The following EPHA6 variants were observed in gnomAD, a reference collection of about 807,000 sequenced individuals.
EPHA6 encodes the protein EPH receptor A6, also known as ephrin type-A receptor 6.
A neutral mutation model predicts 112.0 loss-of-function variants in EPHA6; 50 were observed. That is an observed-to-expected ratio of 0.45 (90% CI 0.36 to 0.56). EPHA6 has a LOEUF of 0.56. Ranked by LOEUF, EPHA6 falls within the 20% of genes least tolerant of loss-of-function variation. The pLI is 0.00. For synonymous variants in EPHA6, 529 were observed against 490.7 expected, an observed-to-expected ratio of 1.08 and a Z score of -1.03; for missense variants, 1,280 against 1,417.4, an observed-to-expected ratio of 0.90 and a Z score of 1.56.
intron 3 of EPHA6, among the ~76,000 whole-genome samples, chr3:97,061,352 G>A (rs2046015530): frequency 6.6e-6 from 1 of 152,186 alleles, no homozygotes; most frequent in African/African-American, 2.4e-5. Context: ...GAACTGGAGA[G>A]CCAGGTGAAG....
chr3:97,397,090 G>T (rs1359530307), intron 5 of EPHA6, among the ~76,000 whole-genome samples: 1 of 151,612 alleles, frequency 6.6e-6, no homozygotes, highest in Non-Finnish European at 1.5e-5. Flanking sequence ...CTTAAATAAG[G>T]ATGTATATCA....
intron 2 of EPHA6, among the ~76,000 whole-genome samples, chr3:96,873,161 A>G (rs2036736069): frequency 6.6e-6 from 1 of 151,866 alleles, no homozygotes; most frequent in Admixed American, 6.6e-5. Flanking sequence ...GCTACTCAGG[A>G]GGCTGAGGCT....
At chr3:97,294,915 T>C (rs996342052) in intron 5 of EPHA6, among the ~76,000 whole-genome samples, 5 of 152,184 alleles carry the variant, frequency 3.3e-5, no homozygotes, top group Admixed American at 6.5e-5. Context: ...CATTCTCACA[T>C]AGCCTATAAG....
intron 14 of EPHA6, among the ~76,000 whole-genome samples, chr3:97,673,433 A>G (rs1658147): frequency 6.6e-6 from 1 of 152,196 alleles, no homozygotes; most frequent in Non-Finnish European, 1.5e-5. Context: ...TTCACTTTTC[A>G]TTTGTGGAAG....
At chr3:97,252,315 A>G (rs1490500930) in intron 5 of EPHA6, among the ~76,000 whole-genome samples, 2 of 152,140 alleles carry the variant, frequency 1.3e-5, no homozygotes, top group African/African-American at 4.8e-5. Flanking sequence ...ATGGGAGACC[A>G]CCAGTGGTCT....
intron 3 of EPHA6, among the ~76,000 whole-genome samples, chr3:97,049,663 G>A (rs2108080512): frequency 6.6e-6 from 1 of 152,214 alleles, no homozygotes; most frequent in South Asian, 2.1e-4. Context: ...AGAAAAAAAT[G>A]GTTTATTTGG....
At chr3:97,202,479 C>G (rs1301491792) in intron 3 of EPHA6, among the ~76,000 whole-genome samples, 3 of 151,804 alleles carry the variant, frequency 2.0e-5, no homozygotes, top group Non-Finnish European at 4.4e-5. Context: ...TTATAGGTAC[C>G]TGCCTCCATG....
At chr3:97,294,818 C>T (rs2080817579) in intron 5 of EPHA6, among the ~76,000 whole-genome samples, 1 of 152,248 alleles carries the variant, frequency 6.6e-6, no homozygotes, top group African/African-American at 2.4e-5. Flanking sequence ...GTCTTTGCTT[C>T]TCTGGTAAAA....
intron 11 of EPHA6, 84 bp from the exon 12 acceptor site, chr3:97,592,528 G>T: frequency 6.6e-7 from 1 of 1,507,892 alleles, no homozygotes; most frequent in South Asian, 1.2e-5. Context: ...TGTCTTTGTT[G>T]ATTTTAGGTT....
intron 3 of EPHA6, among the ~76,000 whole-genome samples, chr3:97,189,080 T>C (rs2077232482): frequency 6.6e-6 from 1 of 152,018 alleles, no homozygotes; most frequent in Admixed American, 6.6e-5. Flanking sequence ...CATGACATTA[T>C]TACATTTCAT....
intron 10 of EPHA6, among the ~76,000 whole-genome samples, chr3:97,521,826 T>C (rs1049808798): frequency 6.6e-6 from 1 of 150,938 alleles, no homozygotes; most frequent in South Asian, 2.1e-4. Context: ...TTAGGTCTCA[T>C]GCCCCTGAAT....
intron 10 of EPHA6, among the ~76,000 whole-genome samples, chr3:97,506,674 T>G (rs947361619): frequency 1.3e-5 from 2 of 151,524 alleles, no homozygotes; most frequent in East Asian, 1.9e-4. Context: ...GGCTCTTTTT[T>G]AATTCCACGT....
chr3:97,161,273 T>C (rs2076408772), intron 3 of EPHA6, among the ~76,000 whole-genome samples: 1 of 152,154 alleles, frequency 6.6e-6, no homozygotes, highest in African/African-American at 2.4e-5. Context: ...TAATTATTTT[T>C]AGATGATGCA....
intron 11 of EPHA6, among the ~76,000 whole-genome samples, chr3:97,589,201 G>A (rs972758613): frequency 6.6e-6 from 1 of 150,892 alleles, no homozygotes; most frequent in African/African-American, 2.4e-5. Flanking sequence ...GTTAGTGTTA[G>A]TGTATTTTAT....
At chr3:97,439,557 C>T in intron 6 of EPHA6, 1 of 924,136 alleles carries the variant, frequency 1.1e-6, no homozygotes, top group Non-Finnish European at 1.3e-6. Flanking sequence ...TTGCCAACAA[C>T]AGAACCCAGC....
At chr3:97,226,496 G>T in intron 4 of EPHA6, 77 bp downstream of exon 4, 1 of 1,343,254 alleles carries the variant, frequency 7.4e-7, no homozygotes, top group East Asian at 2.4e-5. Flanking sequence ...TAAAAAATAA[G>T]TAAATGTACA....
At chr3:97,287,581 G>T (rs1477032734) in intron 5 of EPHA6, among the ~76,000 whole-genome samples, 1 of 152,024 alleles carries the variant, frequency 6.6e-6, no homozygotes, top group Admixed American at 6.6e-5. Context: ...TGTTGTTTAT[G>T]AGCCATGTTC....
At chr3:97,568,208 A>G (rs1033007483) in intron 11 of EPHA6, among the ~76,000 whole-genome samples, 5 of 152,182 alleles carry the variant, frequency 3.3e-5, no homozygotes, top group Admixed American at 6.5e-5. Context: ...ACATGCAAAA[A>G]ATTTAAAAAA....
intron 3 of EPHA6, among the ~76,000 whole-genome samples, chr3:97,127,053 C>A (rs2048201756): frequency 6.6e-6 from 1 of 151,860 alleles, no homozygotes; most frequent in Non-Finnish European, 1.5e-5. Flanking sequence ...GAACAAAAAA[C>A]AGATTAACAA....
Sources: gnomAD v4.1 joint callset for allele counts (sites outside exome capture counted in the v4.1 genomes callset) on GRCh38, gnomAD v4.1.1 for gene constraint, MANE v1.5 for transcripts, NCBI Gene and HGNC (gene_info 2026-07-23, HGNC 2026-07-21) for gene names.